Variants in TRPC7 observed in about 807,000 individuals in gnomAD.
The protein encoded by TRPC7 is transient receptor potential cation channel subfamily C member 7, also known as short transient receptor potential channel 7.
In TRPC7, 42 loss-of-function variants were observed where a neutral mutation model predicts 90.1. The ratio of observed to expected loss-of-function variants is 0.47; its 90% CI spans 0.36 to 0.60. The LOEUF (loss-of-function observed/expected upper bound fraction) is 0.60. TRPC7 is among the 20% of genes least tolerant of loss of function. The probability of loss-of-function intolerance (pLI) is 0.00; values close to 1 mark genes in which losing one functional copy is unlikely to be tolerated. For missense variants in TRPC7, 955 were observed against 1,112.3 expected (o/e 0.86, Z 2.01); for synonymous variants, 451 against 436.3 (o/e 1.03, Z -0.42).
At position 136,228,345 on chromosome 5, in the gene TRPC7, G is replaced by A. The variant is rs1357392984; in HGVS notation, c.2041-2090C>T. ...TAACTTGTGGAAGAGGCAGCGAGAA[G>A]TGTAAATAACTTGAGGATGCCGGCA... On this transcript the variant is annotated intron_variant, in intron 8 of 11. Coordinates refer to ENST00000513104, the MANE Select transcript of TRPC7 (RefSeq NM_020389.3). Among the ~76,000 whole-genome samples the A allele has an allele frequency of 2.0e-5, 3 of 151,892 alleles. No individual in the cohort carries two copies. The East Asian group carries it at 5.8e-4, about 30-fold the overall frequency.
chr5:136,329,651 C>A (rs1170862404), intron 2 of TRPC7, among the ~76,000 whole-genome samples: 1 of 152,160 alleles, frequency 6.6e-6, no homozygotes, highest in African/African-American at 2.4e-5. Context: ...TGAATACGAG[C>A]TGACTTTAAT....
At chr5:136,354,218 C>A (rs1458999827) in intron 2 of TRPC7, among the ~76,000 whole-genome samples, 1 of 152,176 alleles carries the variant, frequency 6.6e-6, no homozygotes, top group Non-Finnish European at 1.5e-5. Flanking sequence ...CTCCTCAGCA[C>A]ATCCTTGACC....
intron 8 of TRPC7, among the ~76,000 whole-genome samples, chr5:136,228,545 C>T (rs1749536686): frequency 6.7e-6 from 1 of 148,312 alleles, no homozygotes; most frequent in Non-Finnish European, 1.5e-5. Context: ...GCAGTGGCGG[C>T]TGCTGGGGAG....
intron 2 of TRPC7, among the ~76,000 whole-genome samples, chr5:136,345,205 T>C (rs1285699989): frequency 6.6e-6 from 1 of 152,194 alleles, no homozygotes; most frequent in Non-Finnish European, 1.5e-5. Flanking sequence ...TGAGTTATAG[T>C]ATTAATTCAA....
intron 10 of TRPC7, among the ~76,000 whole-genome samples, chr5:136,221,199 G>A (rs1232254309): frequency 1.3e-5 from 2 of 152,002 alleles, no homozygotes; most frequent in South Asian, 2.1e-4. Context: ...TCACTTCATG[G>A]AGATAATAAG....
At chr5:136,268,468 T>C (rs1757108474) in intron 4 of TRPC7, among the ~76,000 whole-genome samples, 1 of 152,204 alleles carries the variant, frequency 6.6e-6, no homozygotes, top group East Asian at 1.9e-4. Context: ...CCTTTATCTG[T>C]GGTCTCTACC....
At chr5:136,349,530 A>AT (rs1388156624) in intron 2 of TRPC7, among the ~76,000 whole-genome samples, 4 of 152,144 alleles carry the variant, frequency 2.6e-5, no homozygotes, top group Admixed American at 2.0e-4. Flanking sequence ...GAAGTTATGT[A>AT]TTTTTTATCT....
chr5:136,309,394 A>AT (rs1197265374), intron 3 of TRPC7, among the ~76,000 whole-genome samples: 2 of 151,914 alleles, frequency 1.3e-5, no homozygotes, highest in Admixed American at 6.6e-5. Context: ...AATTTTTCCC[A>AT]TTTTTTTACT....
chr5:136,249,235 A>G (rs1024170028), intron 6 of TRPC7, among the ~76,000 whole-genome samples: 4 of 152,194 alleles, frequency 2.6e-5, no homozygotes, highest in Non-Finnish European at 5.9e-5. Context: ...GAAGGCTTTT[A>G]TTCTTTATTT....
intron 5 of TRPC7, among the ~76,000 whole-genome samples, chr5:136,252,603 A>G (rs1056176942): frequency 1.9e-5 from 2 of 102,966 alleles, no homozygotes; most frequent in Admixed American, 1.5e-4. Flanking sequence ...ATGGAAGACA[A>G]TTTAACACAG....
chr5:136,226,215 A>G lies in TRPC7; in HGVS notation c.2081T>C (p.Leu694Pro), dbSNP rs1421043429. Reference sequence around the variant, plus strand: ...TCCTTCATCAAAGTAAGACAGCCAGAGTTTTGCTCGGGCGAACTTCCATTC... The same window carrying G: ...TCCTTCATCAAAGTAAGACAGCCAGGGTTTTGCTCGGGCGAACTTCCATTC... The part of the protein sequence containing the change: ...DVEWKFARAK[L>P]WLSYFDEGRT... Residue 694 changes from leucine to proline, a missense_variant, in exon 9 of 12, where the codon CTC (leucine) becomes CCC (proline). Leu to Pro is a moderately conservative substitution (Grantham distance 98, BLOSUM62 -3). Around this residue, in one of 4 missense-constraint regions of TRPC7, gnomAD observed 296 missense variants for 422.7 expected, o/e 0.70. Coordinates refer to ENST00000513104, the MANE Select transcript of TRPC7 (RefSeq NM_020389.3). 3 of 1,552,064 alleles carry G rather than the reference A, an allele frequency of 1.9e-6. No individual in the cohort carries two copies. The East Asian group carries it at 7.3e-5, about 38-fold the overall frequency.
intron 5 of TRPC7, 119 bp from the exon 6 acceptor site, chr5:136,252,001 G>T: frequency 1.3e-6 from 1 of 771,188 alleles, no homozygotes; most frequent in Non-Finnish European, 2.1e-6. Context: ...AGCTGGGACC[G>T]TCGATAGCCA....
At chr5:136,250,887 A>G (rs1756496697) in intron 6 of TRPC7, among the ~76,000 whole-genome samples, 1 of 152,214 alleles carries the variant, frequency 6.6e-6, no homozygotes, top group Non-Finnish European at 1.5e-5. Flanking sequence ...TTTTCAAATC[A>G]TGTCAGGCCA....
intron 3 of TRPC7, among the ~76,000 whole-genome samples, chr5:136,311,287 G>A (rs1168114046): frequency 6.6e-6 from 1 of 152,210 alleles, no homozygotes; most frequent in Non-Finnish European, 1.5e-5. Context: ...TAAGCCCAGA[G>A]ATGAGGAAGC....
intron 3 of TRPC7, among the ~76,000 whole-genome samples, chr5:136,276,842 G>T (rs1757380559): frequency 6.6e-6 from 1 of 152,220 alleles, no homozygotes; most frequent in Non-Finnish European, 1.5e-5. Flanking sequence ...AATTCTCAGG[G>T]TCTAGTCATA....
At chr5:136,248,183 C>G (rs192289096) in intron 6 of TRPC7, among the ~76,000 whole-genome samples, 1 of 152,154 alleles carries the variant, frequency 6.6e-6, no homozygotes, top group African/African-American at 2.4e-5. Context: ...GGAGGCAGCG[C>G]GAGGAATAAG....
chr5:136,307,510 C>T (rs1005708106), intron 3 of TRPC7, among the ~76,000 whole-genome samples: 1 of 152,200 alleles, frequency 6.6e-6, no homozygotes, highest in African/African-American at 2.4e-5. Flanking sequence ...TACAACACAT[C>T]CTTGGATAAC....
chr5:136,356,563 G>A, intron 2 of TRPC7, 45 bp downstream of exon 2: 1 of 1,489,756 alleles, frequency 6.7e-7, no homozygotes, highest in Non-Finnish European at 8.9e-7. Context: ...ACGTGGAAGA[G>A]CCCCCTGGGC....
intron 2 of TRPC7, among the ~76,000 whole-genome samples, chr5:136,334,019 C>T (rs1759578414): frequency 6.6e-6 from 1 of 152,104 alleles, no homozygotes; most frequent in Admixed American, 6.6e-5. Flanking sequence ...GCCAGGGTTG[C>T]TGTCTTCTCT....
Sources: gnomAD v4.1 joint callset for allele counts (sites outside exome capture counted in the v4.1 genomes callset) on GRCh38, gnomAD v4.1.1 for gene constraint, gnomAD v4.1.1 regional missense constraint, MANE v1.5 for transcripts, NCBI Gene and HGNC (gene_info 2026-07-23, HGNC 2026-07-21) for gene names.